The following MROH7 variants were observed in gnomAD, a reference collection of about 807,000 sequenced individuals.
MROH7 encodes the protein maestro heat like repeat family member 7, also known as maestro heat-like repeat-containing protein family member 7.
In MROH7, 113 loss-of-function variants were observed where a neutral mutation model predicts 129.2. That is an observed-to-expected ratio of 0.87 (90% CI 0.75 to 1.02). The LOEUF is 1.02. Among genes scored for constraint, MROH7 ranks in the 50% least tolerant of loss-of-function variants. The pLI is 0.00. For synonymous variants in MROH7, 655 were observed against 667.9 expected (o/e 0.98, Z 0.30); for missense variants, 1,601 against 1,671.3 (o/e 0.96, Z 0.73).
At chr1:54,648,951 G>T (rs1211851721) in intron 1 of MROH7, among the ~76,000 whole-genome samples, 2 of 152,158 alleles carry the variant, frequency 1.3e-5, no homozygotes, top group African/African-American at 4.8e-5. Flanking sequence ...GATGGTGCCA[G>T]TTCCTTGCAA....
Position 54,670,571 on chromosome 1 carries a change from G to GCT in MROH7, c.1465_1466dup (p.Ser490Ter). 6.2e-7 allele frequency: 1 copy of GCT among 1,612,700 alleles called. No individual in the cohort carries two copies. Among genetic ancestry groups the GCT allele is most frequent in the Middle Eastern group, 1.6e-4 (1 of 6,062 alleles). On this transcript the variant is annotated frameshift_variant, in exon 6 of 24. Coordinates refer to ENST00000421030, the MANE Select transcript of MROH7 (RefSeq NM_001039464.4). LOFTEE classifies it high-confidence loss of function. Reference sequence around the variant, plus strand: ...AGCAGGCCATGGAGATCCTGACCCAGCTGAGGTGTCCATGGCCCTCTCCCT... The same window carrying GCT: ...AGCAGGCCATGGAGATCCTGACCCAGCTCTGAGGTGTCCATGGCCCTCTCCCT...
At chr1:54,644,848 G>C (rs1644440572) in intron 1 of MROH7, among the ~76,000 whole-genome samples, 1 of 149,924 alleles carries the variant, frequency 6.7e-6, no homozygotes. Context: ...TGTCATCCAG[G>C]CTGGTGCCTG....
intron 17 of MROH7, chr1:54,699,187 C>CTTTCTTTCTCTTTCTT (rs1553176969): frequency 3.9e-5 from 3 of 75,950 alleles, no homozygotes; most frequent in African/African-American, 1.6e-4. Flanking sequence ...TTCTTTCTTT[C>CTTTCTTTCTCTTTCTT]TCTTTCTTTC....
Position 54,653,762 on chromosome 1 carries a change from C to G in MROH7, c.836C>G (p.Ala279Gly). The change falls in exon 3 of 24, where the codon GCT becomes GGT. Residue 279 changes from alanine (A) to glycine (G), a missense_variant. Ala to Gly is a moderately conservative substitution (Grantham distance 60). Coordinates refer to ENST00000421030, the MANE Select transcript of MROH7 (RefSeq NM_001039464.4). ...AGTTCAAAGGAAACCATGAATGTGGCTTCCAGCGGCCACTCCAGATCTGAT... is the reference window on the plus strand; with the variant it reads ...AGTTCAAAGGAAACCATGAATGTGGGTTCCAGCGGCCACTCCAGATCTGAT... ...STSSKETMNV[A>G]SSGHSRSDLS... 1 of 1,614,180 alleles carries G rather than the reference C, an allele frequency of 6.2e-7. No individual in the cohort carries two copies.
rs750428757 is a variant in MROH7 at position 54,704,793 on chromosome 1, CTT to C, written c.3565-1620_3565-1619del. On this transcript the variant is annotated intron_variant, in intron 21 of 23. Transcript: ENST00000421030. ...ACATGAATTAGCATTCAATGTAGCT[CTT>C]TTTTTTTTTTTTTTTTTTTTTGAGA... is the stretch of plus-strand genomic sequence containing the variant. Among the ~76,000 whole-genome samples the C allele has an allele frequency of 4.6e-3, 314 of 67,792 alleles. 1 individual carries two copies. The highest frequency in any genetic ancestry group is 0.017 in the African/African-American group (267 of 15,406). The allele number at this position is 67,792 out of a possible 152,430, so 44.5% of individuals were successfully genotyped here.
At chr1:54,668,979 G>T in intron 5 of MROH7, 42 bp downstream of exon 5, 1 of 1,414,584 alleles carries the variant, frequency 7.1e-7, no homozygotes. Flanking sequence ...GGGGTGGGAG[G>T]GGGCAGAATT....
At chr1:54,671,771 A>T (rs922848495) in intron 7 of MROH7, among the ~76,000 whole-genome samples, 1 of 152,182 alleles carries the variant, frequency 6.6e-6, no homozygotes, top group Non-Finnish European at 1.5e-5. Flanking sequence ...TACCTACTCC[A>T]TGCTGAACTC....
At position 54,709,185 on chromosome 1, in the gene MROH7, C is replaced by A. The variant is rs1202632591; in HGVS notation, c.3730+109C>A. On this transcript the variant is annotated intron_variant, in intron 23 of 23. Coordinates refer to ENST00000421030, the MANE Select transcript of MROH7 (RefSeq NM_001039464.4). ...GGATGTGTCCCAAGACAAGGGTCTT[C>A]AACTCAGTTCAGTTGTACTAGTTTT... 9 of 1,030,846 alleles carry A rather than the reference C, an allele frequency of 8.7e-6. No homozygotes were observed. In the East Asian group the frequency reaches 2.2e-4, roughly 25 times the overall value. 63.9% of individuals were successfully genotyped at this position (1,030,846 alleles called of 1,614,324 possible).
chr1:54,686,868 T>G (rs928691366), intron 15 of MROH7, among the ~76,000 whole-genome samples: 4 of 152,178 alleles, frequency 2.6e-5, no homozygotes, highest in Admixed American at 6.5e-5. Context: ...TTACCCCAGT[T>G]ATGTTCCCAA....
chr1:54,684,092 T>G (rs1645111036), intron 14 of MROH7, among the ~76,000 whole-genome samples: 1 of 152,218 alleles, frequency 6.6e-6, no homozygotes, highest in Admixed American at 6.5e-5. Context: ...TGATTTATTT[T>G]TTCAATAAGT....
chr1:54,678,046 C>G (rs1384922082), intron 10 of MROH7, among the ~76,000 whole-genome samples: 1 of 152,148 alleles, frequency 6.6e-6, no homozygotes, highest in African/African-American at 2.4e-5. Context: ...ATGAAACAGA[C>G]AGACAATGAC....
chr1:54,670,415 C>T (rs1303997274), intron 5 of MROH7, 82 bp from the exon 6 acceptor site: 7 of 1,226,176 alleles, frequency 5.7e-6, no homozygotes, highest in South Asian at 1.4e-5. Context: ...CTGTGACCTG[C>T]TCCTTGTGAC....
chr1:54,697,578 C>G lies in MROH7; in HGVS notation c.2964+2088C>G, dbSNP rs577194153. 3.3e-5 allele frequency: 21 copies of G among 634,090 alleles called. No individual in the cohort carries two copies. The African/African-American group carries it at 3.8e-4, about 11-fold the overall frequency. The allele number at this position is 634,090 out of a possible 1,614,324, so 39.3% of individuals were successfully genotyped here. A position where few individuals can be genotyped will look rare whatever the true frequency, so the allele number is the denominator to read the frequency against. ...TGAGGGAAAGAGAAAGGGAAACTAC[C>G]ATTACTTACAGGCCTACTATGTGCC... On this transcript the variant is annotated intron_variant, in intron 17 of 23. Transcript: ENST00000421030.
chr1:54,710,177 T>A lies in MROH7; in HGVS notation c.3962T>A (p.Leu1321Ter). 6.2e-7 allele frequency: 1 copy of A among 1,611,940 alleles called. No homozygotes were observed. The highest frequency in any genetic ancestry group is 8.5e-7 in the Non-Finnish European group (1 of 1,179,676). The change falls in exon 24 of 24, where the codon TTG (leucine) becomes TAG (stop). Residue 1321 changes from leucine (L) to a stop codon, truncating the protein, a stop_gained. Coordinates refer to ENST00000421030, the MANE Select transcript of MROH7 (RefSeq NM_001039464.4). LOFTEE classifies it high-confidence loss of function. ...GCACTGGGCTCCTGGAAGATGTCCT[T>A]GAAGAAGTGACGTCCCTGAGCCCCA... ...MQALGSWKMSLKK is the reference protein window; with the variant it reads ...MQALGSWKMS
At position 54,703,388 on chromosome 1, in the gene MROH7, C is replaced by T. The variant is rs770823421; in HGVS notation, c.3564+643C>T. Among the ~76,000 whole-genome samples the T allele has an allele frequency of 1.3e-5, 2 of 152,204 alleles. No individual in the cohort carries two copies. The highest frequency in any genetic ancestry group is 2.4e-5 in the African/African-American group (1 of 41,454). ...GTTGTATTACCTGCAACACCAGTCT[C>T]ACAAAATATGCCCCAGAGGGAGGAA... is the stretch of plus-strand genomic sequence containing the variant. On this transcript the variant is annotated intron_variant, in intron 21 of 23. Transcript: ENST00000421030. This position sits in a 1 kb window ranked among gnomAD's most constrained non-coding sequence, Gnocchi z 4.4.
chr1:54,659,645 G>T (rs1043146987), intron 3 of MROH7, among the ~76,000 whole-genome samples: 2 of 152,134 alleles, frequency 1.3e-5, no homozygotes, highest in South Asian at 2.1e-4. Context: ...TAGAGACAAG[G>T]TTTCTGCATG....
At chr1:54,673,595 A>G (rs532004796) in intron 8 of MROH7, 106 bp from the exon 9 acceptor site, 1 of 795,818 alleles carries the variant, frequency 1.3e-6, no homozygotes. Context: ...TGACCTTTAT[A>G]CCCTCTCTGG....
chr1:54,650,712 T>A (rs886093543), intron 1 of MROH7, among the ~76,000 whole-genome samples: 2 of 151,518 alleles, frequency 1.3e-5, no homozygotes, highest in Non-Finnish European at 2.9e-5. Flanking sequence ...CTATGCATGT[T>A]GATCGCCATC....
chr1:54,688,764 C>A (rs1218351817), intron 15 of MROH7, among the ~76,000 whole-genome samples: 1 of 152,098 alleles, frequency 6.6e-6, no homozygotes, highest in Non-Finnish European at 1.5e-5. Flanking sequence ...AGAGCATTGC[C>A]CAGAAGGCTG....
Sources: gnomAD v4.1 joint callset for allele counts (sites outside exome capture counted in the v4.1 genomes callset) on GRCh38, gnomAD v4.1.1 for gene constraint, Gnocchi (gnomAD v3.1) non-coding constraint, MANE v1.5 for transcripts, NCBI Gene and HGNC (gene_info 2026-07-23, HGNC 2026-07-21) for gene names.